ELOA: variants seen among roughly 807,000 people sequenced by gnomAD.
ELOA encodes elongin-A.
A neutral mutation model predicts 85.2 loss-of-function variants in ELOA; 15 were observed. That is an observed-to-expected ratio of 0.18 (90% confidence interval 0.12 to 0.27). The LOEUF (loss-of-function observed/expected upper bound fraction) is 0.27, where lower values mean the gene tolerates loss of function less well. Among genes scored for constraint, ELOA ranks in the 10% least tolerant of loss-of-function variants. The pLI is 1.00. For missense variants in ELOA, 769 were observed against 952.7 expected (o/e 0.81, Z 2.54); for synonymous variants, 348 against 357.2 (o/e 0.97, Z 0.29).
Position 23,752,013 on chromosome 1 carries a change from T to G in ELOA, c.1408T>G (p.Leu470Val). The G allele has an allele frequency of 6.3e-7, 1 of 1,599,570 alleles. No individual in the cohort carries two copies. Among genetic ancestry groups the G allele is most frequent in the Non-Finnish European group, 8.5e-7 (1 of 1,176,170 alleles). The change falls in exon 4 of 11, where the codon TTA becomes GTA. Residue 470 changes from leucine to valine, a missense_variant. Leu to Val is a conservative substitution (Grantham distance 32). Around this residue, in one of 4 missense-constraint regions of ELOA, gnomAD observed 193 missense variants for 278.9 expected, o/e 0.69. Transcript: ENST00000613537. ...TKSEKPAGAD[L>V]AKLRKVPDVL... Reference sequence around the variant, plus strand: ...GTCAGAGAAGCCGGCTGGAGCTGATTTAGCCAAGCTGAGAAAGGTAACCCC... The same window carrying G: ...GTCAGAGAAGCCGGCTGGAGCTGATGTAGCCAAGCTGAGAAAGGTAACCCC...
chr1:23,745,487 C>T (rs2124455945), intron 1 of ELOA, among the ~76,000 whole-genome samples: 1 of 151,704 alleles, frequency 6.6e-6, no homozygotes, highest in East Asian at 1.9e-4. Flanking sequence ...GCTTATTCCA[C>T]CTCAACCTAG....
At position 23,758,259 on chromosome 1, in the gene ELOA, A is replaced by ATTTT. The variant is rs1162019928; in HGVS notation, c.2257+1162_2257+1165dup. Among the ~76,000 whole-genome samples, 135 of 41,932 alleles carry ATTTT rather than the reference A, an allele frequency of 3.2e-3. 3 individuals are homozygous for ATTTT. Among genetic ancestry groups the ATTTT allele is most frequent in the Non-Finnish European group, 4.3e-3 (102 of 23,680 alleles). The allele number at this position is 41,932 out of a possible 152,430, so 27.5% of individuals were successfully genotyped here. ...ATTGGGTCTTCCAATTTATTTATTT[A>ATTTT]TTTTTTTTTTTTTTTTTTTTTTTTT... On this transcript the variant is annotated intron_variant, in intron 10 of 10. Coordinates refer to ENST00000613537, the MANE Select transcript of ELOA (RefSeq NM_003198.3).
chr1:23,755,915 G>C lies in ELOA; in HGVS notation c.1864G>C (p.Glu622Gln), dbSNP rs1644792537. ...HRDFKEERPE[E>Q]YESWREMYLR... ...AGACTTTAAGGAAGAAAGACCCGAA[G>C]AGTATGAGTCGTGGCGAGAGATGTA... Residue 622 changes from glutamate to glutamine, a missense_variant, in exon 8 of 11, where the codon GAG (glutamate) becomes CAG (glutamine). Around this residue, in one of 4 missense-constraint regions of ELOA, gnomAD observed 193 missense variants for 278.9 expected, o/e 0.69. Transcript: ENST00000613537. 1.9e-6 allele frequency: 3 copies of C among 1,613,840 alleles called. No individual in the cohort carries two copies. Among genetic ancestry groups the C allele is most frequent in the Non-Finnish European group, 2.5e-6 (3 of 1,180,006 alleles).
At position 23,751,344 on chromosome 1, in the gene ELOA, T is replaced by C. The variant is rs968976553; in HGVS notation, c.739T>C (p.Ser247Pro). ...GVVSQNKEHKSSHKDKRPVDA... is the reference protein window; with the variant it reads ...GVVSQNKEHKPSHKDKRPVDA... The stretch of plus-strand genomic sequence containing the variant: ...TGTGAGTCAAAACAAGGAGCACAAA[T>C]CTTCCCACAAGGACAAACGCCCCGT... Residue 247 changes from serine to proline, a missense_variant, in exon 4 of 11, where the codon TCT becomes CCT. Physicochemically the swap from Ser to Pro is moderately conservative, Grantham distance 74. Coordinates refer to ENST00000613537, the MANE Select transcript of ELOA (RefSeq NM_003198.3). 1 of 1,613,998 alleles carries C rather than the reference T, an allele frequency of 6.2e-7. No homozygotes were observed. Among genetic ancestry groups the C allele is most frequent in the Non-Finnish European group, 8.5e-7 (1 of 1,180,028 alleles).
rs1644793054 is a variant in ELOA at position 23,755,995 on chromosome 1, C to T, written c.1944C>T (p.Ile648=). The T allele has an allele frequency of 1.2e-6, 2 of 1,612,914 alleles. No homozygotes were observed. ...GGCTACGAGTACTAACAAAGAATAT[C>T]CAGTTCGCACATGCCAATAAGCCCA... ...EQRLRVLTKN[I]QFAHANKPKG... The change falls in exon 8 of 11, where the codon ATC becomes ATT. Residue 648 remains isoleucine, a synonymous_variant. Transcript: ENST00000613537.
intron 1 of ELOA, among the ~76,000 whole-genome samples, chr1:23,747,260 C>T (rs748977036): frequency 2.0e-5 from 3 of 152,182 alleles, no homozygotes; most frequent in Non-Finnish European, 2.9e-5. Context: ...TATGTGCTGC[C>T]GCTCTATTTT....
chr1:23,746,385 A>G (rs1023895536), intron 1 of ELOA, among the ~76,000 whole-genome samples: 1 of 151,360 alleles, frequency 6.6e-6, no homozygotes, highest in African/African-American at 2.4e-5. Flanking sequence ...AGAGGGGCGG[A>G]TCATCTGAGG....
chr1:23,751,144 C>T lies in ELOA; in HGVS notation c.539C>T (p.Pro180Leu). The T allele has an allele frequency of 1.9e-6, 3 of 1,614,126 alleles. No homozygotes were observed. Among genetic ancestry groups the T allele is most frequent in the South Asian group, 1.1e-5 (1 of 91,086 alleles). ...TCTGATTATGGCCATGTTCAATCCC[C>T]TCCATCTTGTACCAGTCCTCATCAG... ...ESSDYGHVQS[P>L]PSCTSPHQMY... The change falls in exon 4 of 11, where the codon CCT becomes CTT. Residue 180 changes from proline (P) to leucine (L), a missense_variant. Physicochemically the swap from Pro to Leu is moderately conservative, Grantham distance 98 (BLOSUM62 -3). Coordinates refer to ENST00000613537, the MANE Select transcript of ELOA (RefSeq NM_003198.3).
At chr1:23,752,365 T>G (rs1162316048) in intron 4 of ELOA, 42 bp from the exon 5 acceptor site, 1 of 1,563,682 alleles carries the variant, frequency 6.4e-7, no homozygotes. Context: ...AGAGCTGTGC[T>G]TCTACTCACT....
At chr1:23,743,694 G>C in intron 1 of ELOA, 116 bp downstream of exon 1, 1 of 1,233,440 alleles carries the variant, frequency 8.1e-7, no homozygotes, top group Non-Finnish European at 1.0e-6. Flanking sequence ...AGGCCCCGCG[G>C]GGCTGGGGTC....
chr1:23,750,008 G>T, intron 3 of ELOA, 60 bp downstream of exon 3: 1 of 1,380,738 alleles, frequency 7.2e-7, no homozygotes, highest in Non-Finnish European at 9.9e-7. Context: ...GATAGAAAAG[G>T]TTTTCTTTAT....
At chr1:23,750,212 GT>G (rs1478452822) in intron 3 of ELOA, among the ~76,000 whole-genome samples, 2 of 111,986 alleles carry the variant, frequency 1.8e-5, no homozygotes, top group African/African-American at 6.9e-5. Context: ...GTCTCGCTCT[GT>G]TGCCCAGGCT....
rs539541222 is a variant in ELOA, at chr1:23,758,990, G to A, written c.2258-522G>A. On this transcript the variant is annotated intron_variant, in intron 10 of 10. Transcript: ENST00000613537. ...GGGAGGCTGGGGTAGGAGGGTGCTT[G>A]AGCCCAGGAGATCGAGACCAGCCTG... 1.6e-3 allele frequency among the ~76,000 whole-genome samples: 240 copies of A among 152,230 alleles called. 1 individual carries two copies. Among genetic ancestry groups the A allele is most frequent in the African/African-American group, 5.6e-3 (233 of 41,546 alleles).
chr1:23,752,123 C>CT (rs1442432367), intron 4 of ELOA, 93 bp downstream of exon 4: 4 of 1,283,588 alleles, frequency 3.1e-6, no homozygotes, highest in Non-Finnish European at 4.3e-6. Context: ...CCTTAGCTTG[C>CT]TTTTGGGGGG....
In ELOA at chr1:23,751,721, A is replaced by G; in HGVS notation, c.1116A>G (p.Pro372=). ...KEKGSNNLKT[P]EGKVKTNLDR... is the part of the protein sequence containing the mutation. ...AGGGTTCTAACAACCTAAAGACTCC[A>G]GAAGGGAAAGTCAAAACTAATTTGG... Residue 372 remains proline (P), a synonymous_variant, in exon 4 of 11, where the codon CCA becomes CCG. Coordinates refer to ENST00000613537, the MANE Select transcript of ELOA (RefSeq NM_003198.3). 1 of 1,614,230 alleles carries G rather than the reference A, an allele frequency of 6.2e-7. No homozygotes were observed. The highest frequency in any genetic ancestry group is 1.3e-5 in the African/African-American group (1 of 75,062).
Position 23,751,893 on chromosome 1 carries a change from G to C in ELOA, c.1288G>C (p.Ala430Pro), listed in dbSNP as rs139569946. The change falls in exon 4 of 11, where the codon GCA becomes CCA. Residue 430 changes from alanine to proline, a missense_variant. Coordinates refer to ENST00000613537, the MANE Select transcript of ELOA (RefSeq NM_003198.3). ...KKKIVKTSAT[A>P]LGDKGLKKND... ...AAAGATTGTGAAAACTTCAGCCACG[G>C]CACTTGGAGATAAAGGACTTAAAAA... The C allele has an allele frequency of 2.9e-5, 46 of 1,613,920 alleles. No individual in the cohort carries two copies. In the African/African-American group the frequency reaches 5.3e-4, roughly 19 times the overall value.
Position 23,743,570 on chromosome 1 carries a change from C to T in ELOA, c.67C>T (p.Pro23Ser), listed in dbSNP as rs1000278163. ...GGCGCGCCTGGCCGCGAACCCGGAC[C>T]CTAAGAAGGTAAGCGAGGGGGCGGC... ...LQARLAANPD[P>S]KKLLKYLKKL... Residue 23 changes from proline to serine, a missense_variant, in exon 1 of 11, where the codon CCT becomes TCT. Coordinates refer to ENST00000613537, the MANE Select transcript of ELOA (RefSeq NM_003198.3). The T allele has an allele frequency of 1.0e-5, 15 of 1,490,316 alleles. No individual in the cohort carries two copies. The highest frequency in any genetic ancestry group is 1.3e-5 in the Non-Finnish European group (15 of 1,124,766). 92.3% of individuals were successfully genotyped at this position (1,490,316 alleles called of 1,614,324 possible). A position where few individuals can be genotyped will look rare whatever the true frequency, so the allele number is the denominator to read the frequency against.
chr1:23,751,713 A>G lies in ELOA; in HGVS notation c.1108A>G (p.Lys370Glu), dbSNP rs1644772303. The change falls in exon 4 of 11, where the codon AAG becomes GAG. Residue 370 changes from lysine to glutamate, a missense_variant. Coordinates refer to ENST00000613537, the MANE Select transcript of ELOA (RefSeq NM_003198.3). ...AAAAGAGAAGGGTTCTAACAACCTA[A>G]AGACTCCAGAAGGGAAAGTCAAAAC... ...KVKEKGSNNLKTPEGKVKTNL... is the reference protein window; with the variant it reads ...KVKEKGSNNLETPEGKVKTNL... The G allele has an allele frequency of 6.2e-7, 1 of 1,614,182 alleles. No individual in the cohort carries two copies. Among genetic ancestry groups the G allele is most frequent in the Non-Finnish European group, 8.5e-7 (1 of 1,180,038 alleles).
intron 1 of ELOA, among the ~76,000 whole-genome samples, chr1:23,747,462 G>A (rs538423848): frequency 1.3e-5 from 2 of 152,322 alleles, no homozygotes; most frequent in Admixed American, 1.3e-4. Flanking sequence ...GAGGTAACGT[G>A]TAAGAGCTTA....
Sources: gnomAD v4.1 joint callset for allele counts (sites outside exome capture counted in the v4.1 genomes callset) on GRCh38, gnomAD v4.1.1 for gene constraint, gnomAD v4.1.1 regional missense constraint, MANE v1.5 for transcripts, NCBI Gene and HGNC (gene_info 2026-07-23, HGNC 2026-07-21) for gene names.